NRXN3: variants seen among roughly 807,000 people sequenced by gnomAD.
NRXN3 encodes the protein neurexin III.
NRXN3 carries 32 observed loss-of-function variants against 137.6 expected under a neutral mutation model. The observed-to-expected ratio is 0.23, with a 90% CI of 0.18 to 0.31. The LOEUF is 0.31. Among genes scored for constraint, NRXN3 ranks in the 10% least tolerant of loss-of-function variants. The probability of loss-of-function intolerance (pLI) is 1.00; values close to 1 mark genes in which losing one functional copy is unlikely to be tolerated. For synonymous variants in NRXN3, 798 were observed against 784.5 expected (o/e 1.02, Z -0.29); for missense variants, 1,574 against 2,062.5 (o/e 0.76, Z 4.59).
intron 15 of NRXN3, among the ~76,000 whole-genome samples, chr14:79,261,859 G>T (rs2077655784): frequency 6.6e-6 from 1 of 152,050 alleles, no homozygotes; most frequent in African/African-American, 2.4e-5. Context: ...GGGACTTTGA[G>T]AATTTGGCAG....
intron 4 of NRXN3, among the ~76,000 whole-genome samples, chr14:78,603,262 C>A (rs968463147): frequency 2.6e-5 from 4 of 152,094 alleles, no homozygotes; most frequent in African/African-American, 9.7e-5. Context: ...GCCTGCCTGC[C>A]TACTTTACAA....
At chr14:79,244,722 C>T (rs990062374) in intron 15 of NRXN3, among the ~76,000 whole-genome samples, 2 of 152,062 alleles carry the variant, frequency 1.3e-5, no homozygotes, top group African/African-American at 4.8e-5. Context: ...TTCTTTGCAC[C>T]AGGTTTCTTT....
chr14:79,296,448 A>G (rs911123856), intron 15 of NRXN3, among the ~76,000 whole-genome samples: 18 of 132,002 alleles, frequency 1.4e-4, no homozygotes, highest in East Asian at 4.6e-4. Flanking sequence ...TATACTTGGG[A>G]AAAAAAAAAA....
chr14:79,546,541 A>G (rs940845467), intron 16 of NRXN3, among the ~76,000 whole-genome samples: 1 of 152,174 alleles, frequency 6.6e-6, no homozygotes, highest in Non-Finnish European at 1.5e-5. Flanking sequence ...GTAAGTGTAA[A>G]GTGGTATGGC....
intron 20 of NRXN3, among the ~76,000 whole-genome samples, chr14:79,837,140 T>G (rs2099345791): frequency 6.6e-6 from 1 of 152,182 alleles, no homozygotes; most frequent in African/African-American, 2.4e-5. Flanking sequence ...ATTCTTATGT[T>G]GAAAGGCAAC....
intron 10 of NRXN3, among the ~76,000 whole-genome samples, chr14:78,832,475 G>A (rs562028351): frequency 1.3e-5 from 2 of 152,244 alleles, no homozygotes; most frequent in Admixed American, 6.5e-5. Context: ...TTTGCAACTA[G>A]GCTAAGTAAG....
intron 15 of NRXN3, among the ~76,000 whole-genome samples, chr14:79,466,916 A>G (rs902715402): frequency 1.3e-5 from 2 of 152,118 alleles, no homozygotes; most frequent in African/African-American, 4.8e-5. Flanking sequence ...GTTTATTGCA[A>G]TGTACCCAGG....
chr14:78,661,149 T>A (rs1040806366), intron 6 of NRXN3, among the ~76,000 whole-genome samples: 2 of 152,198 alleles, frequency 1.3e-5, no homozygotes, highest in Non-Finnish European at 2.9e-5. Context: ...GAAATCTGGA[T>A]AACATTTTGG....
intron 4 of NRXN3, among the ~76,000 whole-genome samples, chr14:78,461,268 T>C (rs2094914167): frequency 1.3e-5 from 2 of 152,294 alleles, no homozygotes; most frequent in South Asian, 4.2e-4. Context: ...GAGAATTGCA[T>C]ATTGTCCTTA....
At chr14:79,280,602 C>A in intron 15 of NRXN3, 2 of 1,425,236 alleles carry the variant, frequency 1.4e-6, no homozygotes, top group Non-Finnish European at 1.9e-6. Context: ...ACTAGCCTTG[C>A]AGGTAGTGTC....
chr14:78,597,239 CT>C (rs2097165033), intron 4 of NRXN3, among the ~76,000 whole-genome samples: 1 of 152,148 alleles, frequency 6.6e-6, no homozygotes, highest in Non-Finnish European at 1.5e-5. Flanking sequence ...TAGTGTCTGA[CT>C]TTAAAAATAT....
At chr14:78,972,446 A>AG (rs1040556346) in intron 14 of NRXN3, among the ~76,000 whole-genome samples, 37 of 152,292 alleles carry the variant, frequency 2.4e-4, no homozygotes, top group African/African-American at 7.7e-4. Flanking sequence ...AGAGGGCACA[A>AG]GGGGTGCACT....
rs557219983 is a variant in NRXN3 at position 79,761,675 on chromosome 14, ACT to A, written c.4015-43434_4015-43433del. On this transcript the variant is annotated intron_variant, in intron 19 of 20. Transcript: ENST00000335750. ...CACTCCAGCCTGGCAACAAAGCGAG[ACT>A]CTGTCTCAAAAAAAAAAAAAAAAAA... Among the ~76,000 whole-genome samples the A allele has an allele frequency of 9.7e-3, 1,175 of 121,348 alleles. 12 individuals are homozygous for A. Among genetic ancestry groups the A allele is most frequent in the South Asian group, 0.03 (111 of 3,734 alleles). The allele number at this position is 121,348 out of a possible 152,430, so 79.6% of individuals were successfully genotyped here. A position where few individuals can be genotyped will look rare whatever the true frequency, so the allele number is the denominator to read the frequency against.
intron 15 of NRXN3, among the ~76,000 whole-genome samples, chr14:79,101,642 G>A (rs753031683): frequency 2.6e-5 from 4 of 152,178 alleles, no homozygotes; most frequent in Non-Finnish European, 5.9e-5. Flanking sequence ...TCCTGTGTGC[G>A]GCATGAAGCC....
intron 8 of NRXN3, among the ~76,000 whole-genome samples, chr14:78,737,595 A>G (rs1358080945): frequency 6.6e-6 from 1 of 151,788 alleles, no homozygotes; most frequent in Non-Finnish European, 1.5e-5. Context: ...TGGAGGAGGG[A>G]TAGAGTTTAC....
At chr14:78,736,267 T>C (rs1055838633) in intron 8 of NRXN3, among the ~76,000 whole-genome samples, 7 of 152,326 alleles carry the variant, frequency 4.6e-5, no homozygotes, top group Admixed American at 1.3e-4. Flanking sequence ...CAAGATGTAG[T>C]TAAAAGGCAA....
In NRXN3 at chr14:78,529,480, A is replaced by G. The variant is rs61976066; in HGVS notation, c.758-115640A>G. 6.7e-3 allele frequency among the ~76,000 whole-genome samples: 1,023 copies of G among 152,252 alleles called. 5 individuals carry two copies. The highest frequency in any genetic ancestry group is 9.6e-3 in the Non-Finnish European group (655 of 68,000). On this transcript the variant is annotated intron_variant, in intron 4 of 20. Transcript: ENST00000335750. ...TTTTCTTTCTTTCTGGGTCTCGGAC[A>G]CCCTTTTGATTTCAGGTCAAAATCA...
Position 79,148,902 on chromosome 14 carries a change from AGTTT to A in NRXN3, c.3262+160766_3262+160769del, listed in dbSNP as rs151246881. ...TTCTTTTTTGTGGAAAGCCCAAATT[AGTTT>A]GTTTATTTTTGCCCTTAAAGTCCAC... On this transcript the variant is annotated intron_variant, in intron 15 of 20. Coordinates refer to ENST00000335750, the MANE Select transcript of NRXN3 (RefSeq NM_001330195.2). Among the ~76,000 whole-genome samples, 1,299 of 152,132 alleles carry A rather than the reference AGTTT, an allele frequency of 8.5e-3. 18 individuals are homozygous for A. The highest frequency in any genetic ancestry group is 0.029 in the African/African-American group (1,224 of 41,496).
Position 79,324,211 on chromosome 14 carries a change from C to T in NRXN3, c.3263-143010C>T, listed in dbSNP as rs74069729. ...ACAGAATCAGGCCTATAAGAAGAGC[C>T]GTTTAGTAAAGGAAATGATTCTGTG... On this transcript the variant is annotated intron_variant, in intron 15 of 20. Transcript: ENST00000335750. Among the ~76,000 whole-genome samples the T allele has an allele frequency of 2.6e-3, 393 of 152,194 alleles. 1 individual carries two copies. Among genetic ancestry groups the T allele is most frequent in the African/African-American group, 9.1e-3 (377 of 41,528 alleles).
Sources: gnomAD v4.1 joint callset for allele counts (sites outside exome capture counted in the v4.1 genomes callset) on GRCh38, gnomAD v4.1.1 for gene constraint, MANE v1.5 for transcripts, NCBI Gene and HGNC (gene_info 2026-07-23, HGNC 2026-07-21) for gene names.